CRPPA: variants seen among roughly 807,000 people sequenced by gnomAD.
CRPPA encodes the protein CDP-L-ribitol pyrophosphorylase A, also known as D-ribitol-5-phosphate cytidylyltransferase.
A neutral mutation model predicts 52.0 loss-of-function variants in CRPPA; 43 were observed. The ratio of observed to expected loss-of-function variants is 0.83; its 90% confidence interval spans 0.65 to 1.07. The LOEUF (loss-of-function observed/expected upper bound fraction) is 1.07, where lower values mean the gene tolerates loss of function less well. Among genes scored for constraint, CRPPA ranks in the 50% least tolerant of loss-of-function variants. The pLI, the probability that CRPPA is intolerant of heterozygous loss-of-function variation, is 0.00. For missense variants in CRPPA, 629 were observed against 551.7 expected, an observed-to-expected ratio of 1.14 and a Z score of -1.40; for synonymous variants, 250 against 203.5, an observed-to-expected ratio of 1.23 and a Z score of -1.94.
At chr7:16,296,921 T>A (rs1784686119) in intron 5 of CRPPA, among the ~76,000 whole-genome samples, 1 of 152,184 alleles carries the variant, frequency 6.6e-6, no homozygotes, top group Admixed American at 6.5e-5. Context: ...CTTATAGGAT[T>A]ATTCTTCATC....
chr7:16,381,338 G>A (rs1201030777), intron 2 of CRPPA, among the ~76,000 whole-genome samples: 1 of 151,150 alleles, frequency 6.6e-6, no homozygotes. Context: ...TAGTTTGATT[G>A]CACTGTGGTC....
chr7:16,380,051 C>A (rs942370977), intron 2 of CRPPA, among the ~76,000 whole-genome samples: 7 of 151,146 alleles, frequency 4.6e-5, no homozygotes, highest in African/African-American at 1.7e-4. Context: ...TGAGAGAGGG[C>A]ATCCCTGTCT....
chr7:16,418,170 C>A (rs1376681626), intron 1 of CRPPA, among the ~76,000 whole-genome samples: 1 of 152,154 alleles, frequency 6.6e-6, no homozygotes, highest in East Asian at 1.9e-4. Context: ...CAAGCAGCAC[C>A]CACACACTGC....
intron 8 of CRPPA, among the ~76,000 whole-genome samples, chr7:16,236,926 A>G (rs537678906): frequency 6.7e-6 from 1 of 148,780 alleles, no homozygotes; most frequent in East Asian, 2.0e-4. Flanking sequence ...TTTCAAAGTA[A>G]GCTTTAAGAG....
chr7:16,232,029 C>G, intron 8 of CRPPA, among the ~76,000 whole-genome samples: 1 of 152,038 alleles, frequency 6.6e-6, no homozygotes, highest in East Asian at 1.9e-4. Flanking sequence ...AGGTAGAGTA[C>G]CAGAGAGGAG....
At chr7:16,374,891 T>C (rs1375556676) in intron 3 of CRPPA, among the ~76,000 whole-genome samples, 3 of 152,188 alleles carry the variant, frequency 2.0e-5, no homozygotes, top group Non-Finnish European at 4.4e-5. Context: ...TGTATAAAAG[T>C]TCCTCCAAAA....
intron 9 of CRPPA, among the ~76,000 whole-genome samples, chr7:16,186,288 G>C (rs747711042): frequency 6.6e-6 from 1 of 152,256 alleles, no homozygotes; most frequent in East Asian, 1.9e-4. Flanking sequence ...AAGGTAATTA[G>C]GTCAGAAGGG....
intron 3 of CRPPA, among the ~76,000 whole-genome samples, chr7:16,349,657 C>T (rs943528741): frequency 1.3e-5 from 2 of 151,712 alleles, no homozygotes; most frequent in African/African-American, 2.4e-5. Context: ...CAGACTAGAT[C>T]GAGCAGAAGA....
At chr7:16,239,559 CAAAAAA>C (rs751232682) in intron 8 of CRPPA, among the ~76,000 whole-genome samples, 5 of 47,618 alleles carry the variant, frequency 1.1e-4, no homozygotes, top group East Asian at 8.6e-4. Context: ...AAGTCAATAG[CAAAAAA>C]AAAAAAAAAA....
At chr7:16,258,783 T>C (rs1783714610) in intron 7 of CRPPA, 137 bp downstream of exon 7, 3 of 566,478 alleles carry the variant, frequency 5.3e-6, no homozygotes, top group Non-Finnish European at 9.0e-6. Flanking sequence ...GTATTATTTC[T>C]CTTTCAAAGA....
intron 9 of CRPPA, among the ~76,000 whole-genome samples, chr7:16,148,101 C>T (rs1783008506): frequency 6.6e-6 from 1 of 152,070 alleles, no homozygotes; most frequent in African/African-American, 2.4e-5. Context: ...TTATTTCTCC[C>T]AATGTAATCT....
chr7:16,164,488 C>T (rs1209484054), intron 9 of CRPPA, among the ~76,000 whole-genome samples: 1 of 152,242 alleles, frequency 6.6e-6, no homozygotes, highest in East Asian at 1.9e-4. Context: ...TTATTACCCA[C>T]CTTCTGAAGC....
intron 5 of CRPPA, among the ~76,000 whole-genome samples, chr7:16,295,604 T>C (rs1369040876): frequency 6.6e-6 from 1 of 152,110 alleles, no homozygotes; most frequent in African/African-American, 2.4e-5. Context: ...ATAAATGCAA[T>C]AGTTTATTTA....
rs895251144 is a variant in CRPPA, at chr7:16,215,965, T to C, written c.1251+101A>G. On this transcript the variant is annotated intron_variant, in intron 9 of 9. Transcript: ENST00000407010. ...TAGATGAGTAACTTTCCAGCTGTAA[T>C]TTCACTTATCAATAATATCCTCCTG... 5 of 946,816 alleles carry C rather than the reference T, an allele frequency of 5.3e-6. No homozygotes were observed. The East Asian group carries it at 1.0e-4, about 20-fold the overall frequency. The allele number at this position is 946,816 out of a possible 1,614,324, so 58.7% of individuals were successfully genotyped here. A position where few individuals can be genotyped will look rare whatever the true frequency, so the allele number is the denominator to read the frequency against.
At chr7:16,172,971 A>C (rs1488420002) in intron 9 of CRPPA, among the ~76,000 whole-genome samples, 1 of 152,244 alleles carries the variant, frequency 6.6e-6, no homozygotes, top group African/African-American at 2.4e-5. Context: ...AGAAATCCAC[A>C]GTTCTCTATA....
At chr7:16,149,312 G>C (rs764654446) in intron 9 of CRPPA, among the ~76,000 whole-genome samples, 33 of 152,154 alleles carry the variant, frequency 2.2e-4, no homozygotes, top group Non-Finnish European at 3.2e-4. Flanking sequence ...TAACAGATTT[G>C]AATAGTGAGG....
At chr7:16,405,500 T>TA (rs1362627935) in intron 2 of CRPPA, among the ~76,000 whole-genome samples, 1 of 152,176 alleles carries the variant, frequency 6.6e-6, no homozygotes, top group Non-Finnish European at 1.5e-5. Context: ...TAGTATCTAT[T>TA]ACCATATTTA....
At chr7:16,337,747 T>G (rs1405233534) in intron 3 of CRPPA, among the ~76,000 whole-genome samples, 1 of 151,808 alleles carries the variant, frequency 6.6e-6, no homozygotes, top group African/African-American at 2.4e-5. Flanking sequence ...ACAATTATAC[T>G]CCAACAAATC....
chr7:16,271,755 G>C (rs1784094062), intron 6 of CRPPA, among the ~76,000 whole-genome samples: 1 of 152,146 alleles, frequency 6.6e-6, no homozygotes, highest in Non-Finnish European at 1.5e-5. Context: ...TATAAGCACA[G>C]TTATGTTTTC....
Sources: gnomAD v4.1 joint callset for allele counts (sites outside exome capture counted in the v4.1 genomes callset) on GRCh38, gnomAD v4.1.1 for gene constraint, MANE v1.5 for transcripts, NCBI Gene and HGNC (gene_info 2026-07-23, HGNC 2026-07-21) for gene names.